The following BBS7 variants were observed in gnomAD, a reference collection of about 807,000 sequenced individuals.
The protein encoded by BBS7 is Bardet-Biedl syndrome 7, also known as BBSome complex member BBS7.
A neutral mutation model predicts 90.3 loss-of-function variants in BBS7; 50 were observed. That is an observed-to-expected ratio of 0.55 (90% CI 0.44 to 0.70). BBS7 has a LOEUF of 0.70. Among genes scored for constraint, BBS7 ranks in the 30% least tolerant of loss-of-function variants. The pLI is 0.00. For missense variants in BBS7, 729 were observed against 838.9 expected (o/e 0.87, Z 1.62); for synonymous variants, 235 against 287.4 (o/e 0.82, Z 1.85).
At chr4:121,852,350 A>G (rs1369783849) in intron 8 of BBS7, among the ~76,000 whole-genome samples, 2 of 152,164 alleles carry the variant, frequency 1.3e-5, no homozygotes, top group Non-Finnish European at 2.9e-5. Flanking sequence ...AGGATAGGGA[A>G]GCCCTGGATT....
rs533366721 is a variant in BBS7 at position 121,855,505 on chromosome 4, T to C, written c.585A>G (p.Leu195=). 2 of 1,613,584 alleles carry C rather than the reference T, an allele frequency of 1.2e-6. No individual in the cohort carries two copies. The highest frequency in any genetic ancestry group is 2.7e-5 in the African/African-American group (2 of 75,032). The change falls in exon 6 of 19, where the codon CTA becomes CTG. Residue 195 remains leucine (L), a synonymous_variant. Coordinates refer to ENST00000264499, the MANE Select transcript of BBS7 (RefSeq NM_176824.3). Reference sequence around the variant, plus strand: ...CCTGATTACCGCCATTTCCATTGTGTAGTGCTAAGACAGTAGGGGGTCCAG... The same window carrying C: ...CCTGATTACCGCCATTTCCATTGTGCAGTGCTAAGACAGTAGGGGGTCCAG... ...EVPGPPTVLA[L]HNGNGGDSGE... is the part of the protein sequence containing the mutation.
In BBS7 at chr4:121,846,496, G is replaced by A. The variant is rs539821458; in HGVS notation, c.1038-800C>T. Among the ~76,000 whole-genome samples, 3 of 152,198 alleles carry A rather than the reference G, an allele frequency of 2.0e-5. No individual in the cohort carries two copies. In the South Asian group the frequency reaches 6.2e-4, roughly 32 times the overall value. ...ACCTAGCAGTGTTTGGGTATCAAAT[G>A]AACAAATCAGATATAAGTTTCTCAT... On this transcript the variant is annotated intron_variant, in intron 10 of 18. Transcript: ENST00000264499.
chr4:121,865,467 G>A (rs1190206707), intron 2 of BBS7, among the ~76,000 whole-genome samples: 2 of 152,138 alleles, frequency 1.3e-5, no homozygotes, highest in African/African-American at 4.8e-5. Flanking sequence ...TCCAACTGCT[G>A]ACCTCAGGTG....
intron 15 of BBS7, among the ~76,000 whole-genome samples, chr4:121,832,063 C>A (rs1422188896): frequency 6.8e-6 from 1 of 147,380 alleles, no homozygotes; most frequent in East Asian, 2.0e-4. Context: ...AACCTACAGG[C>A]CAGGTGTGGT....
chr4:121,867,069 G>A (rs1220795511), intron 2 of BBS7, among the ~76,000 whole-genome samples: 5 of 151,950 alleles, frequency 3.3e-5, no homozygotes, highest in African/African-American at 9.7e-5. Flanking sequence ...AACATGGGAT[G>A]TTTTTCCATT....
rs568377427 is a variant in BBS7, at chr4:121,851,961, T to C, written c.849+995A>G. Among the ~76,000 whole-genome samples, 3 of 152,290 alleles carry C rather than the reference T, an allele frequency of 2.0e-5. No individual in the cohort carries two copies. In the East Asian group the frequency reaches 5.8e-4, roughly 29 times the overall value. The stretch of plus-strand genomic sequence containing the variant: ...TTGGAATAAAAGTCAAAGAGGAGAC[T>C]TGGGGTCTGAATAGGAAAGTTTCTC... On this transcript the variant is annotated intron_variant, in intron 8 of 18. Transcript: ENST00000264499.
chr4:121,858,736 T>C (rs949245939), intron 5 of BBS7: 33 of 400,088 alleles, frequency 8.2e-5, no homozygotes, highest in African/African-American at 6.6e-4. Flanking sequence ...TACTCCATTC[T>C]GATAATAGCT....
At chr4:121,836,842 A>G (rs573473773) in intron 13 of BBS7, among the ~76,000 whole-genome samples, 1 of 152,284 alleles carries the variant, frequency 6.6e-6, no homozygotes, top group South Asian at 2.1e-4. Context: ...ATTTTTTGCC[A>G]ATCTGTTGGA....
At chr4:121,836,967 T>TG (rs1444897774) in intron 13 of BBS7, among the ~76,000 whole-genome samples, 2 of 136,688 alleles carry the variant, frequency 1.5e-5, no homozygotes, top group Non-Finnish European at 3.3e-5. Flanking sequence ...GGGTTTTTTT[T>TG]GTTTTTTTTT....
At chr4:121,859,650 G>A (rs1048233348) in intron 4 of BBS7, among the ~76,000 whole-genome samples, 6 of 151,974 alleles carry the variant, frequency 3.9e-5, no homozygotes, top group Admixed American at 1.3e-4. Context: ...TAAGTATTAA[G>A]TAGTAGATTA....
At chr4:121,843,018 G>A (rs946805896) in intron 12 of BBS7, among the ~76,000 whole-genome samples, 1 of 152,138 alleles carries the variant, frequency 6.6e-6, no homozygotes, top group East Asian at 1.9e-4. Flanking sequence ...CAGGAAGAGC[G>A]GGGGAAGCAA....
At chr4:121,839,734 A>G in intron 12 of BBS7, 38 bp from the exon 13 acceptor site, 1 of 1,555,716 alleles carries the variant, frequency 6.4e-7, no homozygotes, top group Admixed American at 1.7e-5. Context: ...GAATGAATCC[A>G]TGTTTTTAGC....
rs765423866 is a variant in BBS7 at position 121,855,557 on chromosome 4, G to A, written c.533C>T (p.Ser178Phe). ...AACTTCAACTGCATACATCACATCAGATCCCTGAAGGAGAAGTATTTAAAA... is the reference window on the plus strand; with the variant it reads ...AACTTCAACTGCATACATCACATCAAATCCCTGAAGGAGAAGTATTTAAAA... ...QDRVLRVLQGSDVMYAVEVPG... is the reference protein window; with the variant it reads ...QDRVLRVLQGFDVMYAVEVPG... The change falls in exon 6 of 19, where the codon TCT becomes TTT. Residue 178 changes from serine (S) to phenylalanine (F), a missense_variant. Transcript: ENST00000264499. The A allele has an allele frequency of 5.0e-6, 8 of 1,612,998 alleles. No homozygotes were observed. In the South Asian group the frequency reaches 8.8e-5, roughly 18 times the overall value.
intron 8 of BBS7, among the ~76,000 whole-genome samples, chr4:121,849,998 G>A (rs1323927416): frequency 6.6e-6 from 1 of 152,044 alleles, no homozygotes; most frequent in Non-Finnish European, 1.5e-5. Flanking sequence ...CTGCTATTGT[G>A]GAGAGAAACC....
intron 13 of BBS7, among the ~76,000 whole-genome samples, chr4:121,835,737 C>T (rs1725419984): frequency 6.6e-6 from 1 of 151,966 alleles, no homozygotes; most frequent in Non-Finnish European, 1.5e-5. Flanking sequence ...GTAATAAGCT[C>T]ATATTGGCAG....
At chr4:121,855,779 T>C (rs948631396) in intron 5 of BBS7, among the ~76,000 whole-genome samples, 3 of 139,436 alleles carry the variant, frequency 2.2e-5, no homozygotes, top group Admixed American at 6.8e-5. Context: ...CGTATAAATG[T>C]ATACATATAT....
chr4:121,836,092 A>G (rs573338407), intron 13 of BBS7, among the ~76,000 whole-genome samples: 1 of 152,344 alleles, frequency 6.6e-6, no homozygotes, highest in East Asian at 1.9e-4. Context: ...CCTATAATCT[A>G]TGGCATATTT....
chr4:121,852,947 T>G lies in BBS7; in HGVS notation c.849+9A>C. On this transcript the variant is annotated intron_variant, in intron 8 of 18. Transcript: ENST00000264499. ...ATAATAAGCATATAGTCTTTTTTAA[T>G]GAACTTACCTGATCAAATCGTAGAA... 1 of 1,613,208 alleles carries G rather than the reference T, an allele frequency of 6.2e-7. No individual in the cohort carries two copies. The highest frequency in any genetic ancestry group is 8.5e-7 in the Non-Finnish European group (1 of 1,179,394).
chr4:121,847,384 A>C lies in BBS7; in HGVS notation c.1037+20T>G, dbSNP rs780713091. 1.6e-5 allele frequency: 25 copies of C among 1,519,608 alleles called. No individual in the cohort carries two copies. Among genetic ancestry groups the C allele is most frequent in the Non-Finnish European group, 2.1e-5 (23 of 1,095,050 alleles). The allele number at this position is 1,519,608 out of a possible 1,614,324, so 94.1% of individuals were successfully genotyped here. A position where few individuals can be genotyped will look rare whatever the true frequency, so the allele number is the denominator to read the frequency against. ...ACTTCATGAGATTTTTAAAAAAGCA[A>C]ATAAAAAACTCAAAGTTACCGTAAG... On this transcript the variant is annotated intron_variant, in intron 10 of 18. Coordinates refer to ENST00000264499, the MANE Select transcript of BBS7 (RefSeq NM_176824.3).
Sources: gnomAD v4.1 joint callset for allele counts (sites outside exome capture counted in the v4.1 genomes callset) on GRCh38, gnomAD v4.1.1 for gene constraint, MANE v1.5 for transcripts, NCBI Gene and HGNC (gene_info 2026-07-23, HGNC 2026-07-21) for gene names.